NRG3: variants seen among roughly 807,000 people sequenced by gnomAD.
The protein encoded by NRG3 is pro-neuregulin-3, membrane-bound isoform.
A neutral mutation model predicts 66.9 loss-of-function variants in NRG3; 31 were observed. The ratio of observed to expected loss-of-function variants is 0.46; its 90% CI spans 0.35 to 0.63. NRG3 has a LOEUF of 0.63. NRG3 is among the 20% of genes least tolerant of loss of function. NRG3 has a pLI of 0.00. For synonymous variants in NRG3, 393 were observed against 359.4 expected, an observed-to-expected ratio of 1.09 and a Z score of -1.06; for missense variants, 910 against 878.9, an observed-to-expected ratio of 1.04 and a Z score of -0.45.
At chr10:82,815,601 T>C (rs1377695658) in intron 3 of NRG3, among the ~76,000 whole-genome samples, 1 of 152,100 alleles carries the variant, frequency 6.6e-6, no homozygotes, top group Non-Finnish European at 1.5e-5. Flanking sequence ...GGTCTGGAAA[T>C]CTCAATATTC....
chr10:82,724,321 T>G (rs1264785188), intron 2 of NRG3, among the ~76,000 whole-genome samples: 1 of 152,204 alleles, frequency 6.6e-6, no homozygotes, highest in African/African-American at 2.4e-5. Context: ...AGCTTCCTTG[T>G]TGCTGATGAA....
intron 1 of NRG3, among the ~76,000 whole-genome samples, chr10:81,935,929 T>C (rs1051685118): frequency 7.2e-6 from 1 of 139,544 alleles, no homozygotes; most frequent in South Asian, 2.2e-4. Flanking sequence ...ACACACAGTT[T>C]CCTGTGTTAA....
chr10:82,429,212 T>G (rs2089639543), intron 2 of NRG3, among the ~76,000 whole-genome samples: 1 of 152,030 alleles, frequency 6.6e-6, no homozygotes, highest in Non-Finnish European at 1.5e-5. Context: ...ATACAGTTGT[T>G]TTTAAATCAG....
At chr10:82,567,859 A>G (rs1447748788) in intron 2 of NRG3, among the ~76,000 whole-genome samples, 1 of 151,830 alleles carries the variant, frequency 6.6e-6, no homozygotes, top group East Asian at 1.9e-4. Context: ...ATGAACTCAT[A>G]TATATTCCAC....
chr10:82,729,428 T>C (rs2057779758), intron 2 of NRG3, among the ~76,000 whole-genome samples: 1 of 151,938 alleles, frequency 6.6e-6, no homozygotes. Context: ...ATTTACATTC[T>C]TATACTAAAA....
intron 1 of NRG3, among the ~76,000 whole-genome samples, chr10:81,965,080 G>A (rs898746843): frequency 2.6e-5 from 4 of 152,158 alleles, no homozygotes; most frequent in Non-Finnish European, 5.9e-5. Context: ...AAATACAAGG[G>A]TAAAGAAAAC....
intron 4 of NRG3, among the ~76,000 whole-genome samples, chr10:82,902,314 A>G (rs531326388): frequency 6.6e-6 from 1 of 152,280 alleles, no homozygotes; most frequent in South Asian, 2.1e-4. Flanking sequence ...TAAAAAGATT[A>G]CATTATTTTT....
intron 3 of NRG3, among the ~76,000 whole-genome samples, chr10:82,846,747 G>T (rs753769818): frequency 3.9e-5 from 6 of 152,106 alleles, no homozygotes; most frequent in Non-Finnish European, 7.3e-5. Flanking sequence ...TCTAAGAAAA[G>T]GATATCCACT....
At chr10:82,085,414 A>T (rs1437546379) in intron 1 of NRG3, among the ~76,000 whole-genome samples, 1 of 152,062 alleles carries the variant, frequency 6.6e-6, no homozygotes, top group African/African-American at 2.4e-5. Flanking sequence ...CATAAAGAAC[A>T]GATTTATTTA....
At chr10:82,729,417 C>T (rs1364178024) in intron 2 of NRG3, among the ~76,000 whole-genome samples, 1 of 152,032 alleles carries the variant, frequency 6.6e-6, no homozygotes, top group Non-Finnish European at 1.5e-5. Context: ...ATTACTGTCT[C>T]ATTTACATTC....
At chr10:82,816,229 C>G (rs1374588307) in intron 3 of NRG3, among the ~76,000 whole-genome samples, 1 of 152,222 alleles carries the variant, frequency 6.6e-6, no homozygotes, top group Non-Finnish European at 1.5e-5. Context: ...TCTAGTCCTG[C>G]CATTTGGCGT....
chr10:82,871,287 T>C (rs1352545647), intron 4 of NRG3, among the ~76,000 whole-genome samples: 1 of 148,976 alleles, frequency 6.7e-6, no homozygotes, highest in African/African-American at 2.5e-5. Flanking sequence ...TATTTGTCTT[T>C]TTTTTTTTTG....
At chr10:82,701,600 A>G (rs1362783005) in intron 2 of NRG3, among the ~76,000 whole-genome samples, 2 of 152,170 alleles carry the variant, frequency 1.3e-5, no homozygotes, top group Non-Finnish European at 2.9e-5. Context: ...CTGATGGATG[A>G]TGAAAATTTC....
intron 2 of NRG3, among the ~76,000 whole-genome samples, chr10:82,658,674 A>G (rs1320644233): frequency 2.6e-5 from 4 of 152,146 alleles, no homozygotes; most frequent in African/African-American, 9.6e-5. Context: ...GGACTGTGGA[A>G]GTGGGGGCGG....
chr10:82,555,833 G>C (rs982200161), intron 2 of NRG3, among the ~76,000 whole-genome samples: 1 of 152,100 alleles, frequency 6.6e-6, no homozygotes, highest in Non-Finnish European at 1.5e-5. Flanking sequence ...TTTTGAAAAA[G>C]AAAGAAAAAT....
At chr10:82,087,693 C>G (rs1380404609) in intron 1 of NRG3, among the ~76,000 whole-genome samples, 1 of 152,112 alleles carries the variant, frequency 6.6e-6, no homozygotes, top group Non-Finnish European at 1.5e-5. Context: ...ATTTAACATT[C>G]ACCAGGGAAA....
In NRG3 at chr10:82,177,281, G is replaced by T. The variant is rs142641604; in HGVS notation, c.824-181458G>T. On this transcript the variant is annotated intron_variant, in intron 1 of 8. Coordinates refer to ENST00000372141, the MANE Select transcript of NRG3 (RefSeq NM_001010848.4). ...TTTTTAATCTAAGGAGAAACTAAAA[G>T]AAAAATCTATTGATCCTTTCTACAA... Among the ~76,000 whole-genome samples the T allele has an allele frequency of 4.1e-3, 629 of 151,982 alleles. 4 individuals carry two copies. Among genetic ancestry groups the T allele is most frequent in the African/African-American group, 0.014 (599 of 41,468 alleles).
At chr10:82,901,384 C>T (rs1008229873) in intron 4 of NRG3, among the ~76,000 whole-genome samples, 1 of 151,896 alleles carries the variant, frequency 6.6e-6, no homozygotes, top group Admixed American at 6.6e-5. Context: ...CCAAGTCGCT[C>T]CAACCTTAGA....
At chr10:82,733,720 T>C (rs1196188960) in intron 2 of NRG3, among the ~76,000 whole-genome samples, 3 of 152,226 alleles carry the variant, frequency 2.0e-5, no homozygotes, top group Non-Finnish European at 4.4e-5. Context: ...TGTTTTTGTA[T>C]CTGTCTTGTT....
Sources: gnomAD v4.1 joint callset for allele counts (sites outside exome capture counted in the v4.1 genomes callset) on GRCh38, gnomAD v4.1.1 for gene constraint, MANE v1.5 for transcripts, NCBI Gene and HGNC (gene_info 2026-07-23, HGNC 2026-07-21) for gene names.